The following EXOC4 variants were observed in gnomAD, a reference collection of about 807,000 sequenced individuals.
EXOC4 encodes the protein exocyst complex component 4.
In EXOC4, 71 loss-of-function variants were observed where a neutral mutation model predicts 107.2. That is an observed-to-expected ratio of 0.66 (90% CI 0.55 to 0.81). EXOC4 has a LOEUF of 0.81. EXOC4 is among the 30% of genes least tolerant of loss of function. EXOC4 has a pLI of 0.00. For synonymous variants in EXOC4, 456 were observed against 441.2 expected (o/e 1.03, Z -0.42); for missense variants, 1,108 against 1,189.6 (o/e 0.93, Z 1.01).
At chr7:133,580,235 AC>A (rs2150966680) in intron 9 of EXOC4, among the ~76,000 whole-genome samples, 1 of 152,286 alleles carries the variant, frequency 6.6e-6, no homozygotes, top group East Asian at 1.9e-4. Flanking sequence ...TGTGTGACTT[AC>A]ATGGCGTGTA....
chr7:133,281,415 A>T (rs1584774634), intron 2 of EXOC4, among the ~76,000 whole-genome samples: 1 of 150,616 alleles, frequency 6.6e-6, no homozygotes, highest in Admixed American at 6.6e-5. Flanking sequence ...ACGGCAGGAG[A>T]AAACCTATGA....
At chr7:133,394,927 GA>G (rs1258640174) in intron 7 of EXOC4, among the ~76,000 whole-genome samples, 2 of 151,178 alleles carry the variant, frequency 1.3e-5, no homozygotes, top group African/African-American at 2.4e-5. Flanking sequence ...AAAAAAAAGG[GA>G]AAAAAGAAAC....
At chr7:133,261,762 T>G (rs955580495) in intron 1 of EXOC4, among the ~76,000 whole-genome samples, 2 of 152,204 alleles carry the variant, frequency 1.3e-5, no homozygotes, top group Non-Finnish European at 2.9e-5. Flanking sequence ...GACAAAATTC[T>G]TTTGAGTATT....
At chr7:133,480,286 G>A in intron 9 of EXOC4, 148 bp downstream of exon 9, 1 of 1,468,976 alleles carries the variant, frequency 6.8e-7, no homozygotes, top group Non-Finnish European at 9.0e-7. Flanking sequence ...TAATTTCCCA[G>A]CATCTGCTGC....
chr7:133,876,830 T>C (rs1005466763), intron 11 of EXOC4, among the ~76,000 whole-genome samples: 4 of 152,170 alleles, frequency 2.6e-5, no homozygotes, highest in African/African-American at 9.6e-5. Flanking sequence ...TGTTTTGTTT[T>C]GTTTTTCTGG....
At chr7:133,481,517 T>C (rs1279025787) in intron 9 of EXOC4, among the ~76,000 whole-genome samples, 3 of 152,216 alleles carry the variant, frequency 2.0e-5, no homozygotes, top group Non-Finnish European at 2.9e-5. Context: ...CCTTTCTTGA[T>C]TTAAAGACTA....
At chr7:133,640,651 T>C (rs981004466) in intron 10 of EXOC4, among the ~76,000 whole-genome samples, 5 of 152,174 alleles carry the variant, frequency 3.3e-5, no homozygotes, top group South Asian at 4.1e-4. Context: ...ATGATGAATG[T>C]AGACTGTTTC....
intron 10 of EXOC4, among the ~76,000 whole-genome samples, chr7:133,707,180 C>T (rs1250168175): frequency 2.6e-5 from 4 of 151,864 alleles, no homozygotes; most frequent in African/African-American, 4.8e-5. Flanking sequence ...TGTATTGAAG[C>T]ATTTACTGGT....
chr7:133,390,319 A>G (rs1458865394), intron 7 of EXOC4, among the ~76,000 whole-genome samples: 2 of 152,170 alleles, frequency 1.3e-5, no homozygotes, highest in Non-Finnish European at 1.5e-5. Flanking sequence ...GTTTCTCATG[A>G]TGATGCCACA....
chr7:133,781,907 G>A lies in EXOC4; in HGVS notation c.1515-35418G>A, dbSNP rs1211492011. On this transcript the variant is annotated intron_variant, in intron 10 of 17. Coordinates refer to ENST00000253861, the MANE Select transcript of EXOC4 (RefSeq NM_021807.4). The stretch of plus-strand genomic sequence containing the variant: ...CTTCCAGACCTGCCGCATAATCAGT[G>A]ATAACACAAAAAAGTTTTTATTGTG... 4.2e-4 allele frequency among the ~76,000 whole-genome samples: 10 copies of A among 24,014 alleles called. No homozygotes were observed. The East Asian group carries it at 8.0e-3, about 19-fold the overall frequency. The allele number at this position is 24,014 out of a possible 152,430, so 15.8% of individuals were successfully genotyped here.
chr7:133,606,586 C>G (rs1366001002), intron 9 of EXOC4, among the ~76,000 whole-genome samples: 1 of 150,942 alleles, frequency 6.6e-6, no homozygotes, highest in Non-Finnish European at 1.5e-5. Flanking sequence ...GCATTCTCGG[C>G]TCACTGAAAT....
rs556694968 is a variant in EXOC4 at position 134,044,730 on chromosome 7, A to G, written c.2688-19561A>G. ...AGCAGTCATCTGCACCTCAGTTTCC[A>G]GCTCCCCCGATCCAATGCTGTTAAT... On this transcript the variant is annotated intron_variant, in intron 17 of 17. Coordinates refer to ENST00000253861, the MANE Select transcript of EXOC4 (RefSeq NM_021807.4). 1.1e-4 allele frequency among the ~76,000 whole-genome samples: 16 copies of G among 152,300 alleles called. No homozygotes were observed. In the South Asian group the frequency reaches 3.3e-3, roughly 32 times the overall value.
chr7:133,537,689 T>C (rs902397126), intron 9 of EXOC4, among the ~76,000 whole-genome samples: 11 of 152,200 alleles, frequency 7.2e-5, no homozygotes, highest in African/African-American at 1.2e-4. Context: ...TGGATTTTTT[T>C]CCCCCACATT....
At chr7:133,956,497 C>G (rs1186075717) in intron 14 of EXOC4, among the ~76,000 whole-genome samples, 3 of 152,204 alleles carry the variant, frequency 2.0e-5, no homozygotes. Flanking sequence ...CCAGATACTT[C>G]TCGCAATTCA....
At chr7:133,320,193 A>G (rs1308487677) in intron 5 of EXOC4, among the ~76,000 whole-genome samples, 2 of 152,026 alleles carry the variant, frequency 1.3e-5, no homozygotes, top group African/African-American at 4.8e-5. Context: ...TTAATTTTCT[A>G]CTCACACAAA....
chr7:133,788,247 A>G (rs1181853295), intron 10 of EXOC4, among the ~76,000 whole-genome samples: 1 of 151,442 alleles, frequency 6.6e-6, no homozygotes, highest in Non-Finnish European at 1.5e-5. Flanking sequence ...TAACAGCTGT[A>G]CAAGAATAGC....
intron 6 of EXOC4, among the ~76,000 whole-genome samples, chr7:133,366,040 G>T (rs1344030070): frequency 6.6e-6 from 1 of 152,180 alleles, no homozygotes; most frequent in Non-Finnish European, 1.5e-5. Context: ...CTTCTATCTT[G>T]TGTGTGTCTT....
At chr7:133,827,274 T>TA (rs1203901065) in intron 11 of EXOC4, among the ~76,000 whole-genome samples, 1 of 152,186 alleles carries the variant, frequency 6.6e-6, no homozygotes, top group Non-Finnish European at 1.5e-5. Flanking sequence ...GATGATTTTT[T>TA]AATATACCGG....
chr7:133,753,717 C>T (rs1006251160), intron 10 of EXOC4, among the ~76,000 whole-genome samples: 3 of 152,164 alleles, frequency 2.0e-5, no homozygotes, highest in Admixed American at 6.6e-5. Flanking sequence ...TTTTGCACAG[C>T]TACAAGTTTC....
Sources: allele counts gnomAD v4.1 joint callset (sites outside exome capture counted in the v4.1 genomes callset), GRCh38; gene constraint gnomAD v4.1.1; transcripts MANE v1.5; gene names NCBI Gene and HGNC (gene_info 2026-07-23, HGNC 2026-07-21).